Variants in POU6F2 observed in about 807,000 individuals in gnomAD.
POU6F2 encodes the protein POU class 6 homeobox 2.
In POU6F2, 31 loss-of-function variants were observed where a neutral mutation model predicts 71.3. The ratio of observed to expected loss-of-function variants is 0.43; its 90% CI spans 0.33 to 0.59. The LOEUF (loss-of-function observed/expected upper bound fraction) is 0.59, where lower values mean the gene tolerates loss of function less well. Ranked by LOEUF, POU6F2 falls within the 20% of genes least tolerant of loss-of-function variation. The probability of loss-of-function intolerance (pLI) is 0.04; values close to 1 mark genes in which losing one functional copy is unlikely to be tolerated. For synonymous variants in POU6F2, 347 were observed against 355.7 expected, an observed-to-expected ratio of 0.98 and a Z score of 0.27; for missense variants, 783 against 856.8, an observed-to-expected ratio of 0.91 and a Z score of 1.07.
chr7:39,453,194 C>T (rs895612953), intron 8 of POU6F2, among the ~76,000 whole-genome samples: 2 of 152,150 alleles, frequency 1.3e-5, no homozygotes, highest in African/African-American at 2.4e-5. Context: ...ATGCATTTTC[C>T]ATCAACTGTA....
rs137887575 is a variant in POU6F2, at chr7:39,181,725, C to T, written c.278-22510C>T. Among the ~76,000 whole-genome samples, 277 of 152,288 alleles carry T rather than the reference C, an allele frequency of 1.8e-3. 1 individual carries two copies. Among genetic ancestry groups the T allele is most frequent in the African/African-American group, 6.4e-3 (266 of 41,554 alleles). On this transcript the variant is annotated intron_variant, in intron 2 of 9. Transcript: ENST00000518318. ...ACCACCCCTCTCCAACTCAAGCCATCCCCACCTCTCTCACAGCAGATGAGC... is the reference window on the plus strand; with the variant it reads ...ACCACCCCTCTCCAACTCAAGCCATTCCCACCTCTCTCACAGCAGATGAGC...
chr7:39,041,544 A>G (rs1173935712), intron 1 of POU6F2, among the ~76,000 whole-genome samples: 1 of 151,892 alleles, frequency 6.6e-6, no homozygotes, highest in Non-Finnish European at 1.5e-5. Context: ...GTATACTTTA[A>G]TTATCTGTAA....
At chr7:39,368,483 G>A (rs747043483) in intron 5 of POU6F2, among the ~76,000 whole-genome samples, 4 of 152,348 alleles carry the variant, frequency 2.6e-5, no homozygotes, top group Non-Finnish European at 4.4e-5. Flanking sequence ...AAGTCAAGGC[G>A]AAGCAGCAAG....
intron 5 of POU6F2, among the ~76,000 whole-genome samples, chr7:39,382,385 GCA>G (rs1262362942): frequency 1.3e-5 from 2 of 152,172 alleles, no homozygotes; most frequent in Non-Finnish European, 2.9e-5. Context: ...GAGAGCACCA[GCA>G]CAGAGACTCA....
intron 4 of POU6F2, among the ~76,000 whole-genome samples, chr7:39,251,974 G>A (rs1783928414): frequency 6.6e-6 from 1 of 152,142 alleles, no homozygotes; most frequent in East Asian, 1.9e-4. Flanking sequence ...ATCTTCAGTG[G>A]TTCACATCAG....
chr7:39,340,331 G>A (rs902658298), intron 5 of POU6F2, among the ~76,000 whole-genome samples: 1 of 152,138 alleles, frequency 6.6e-6, no homozygotes, highest in Non-Finnish European at 1.5e-5. Flanking sequence ...CTTTTTGAAG[G>A]CAGCAAAGAT....
intron 4 of POU6F2, among the ~76,000 whole-genome samples, chr7:39,292,514 T>C (rs977965385): frequency 6.6e-6 from 1 of 152,188 alleles, no homozygotes; most frequent in African/African-American, 2.4e-5. Flanking sequence ...GAAAAGTAGC[T>C]CACTGGGGAG....
At chr7:39,012,418 C>A (rs1562668225) in intron 1 of POU6F2, among the ~76,000 whole-genome samples, 1 of 149,276 alleles carries the variant, frequency 6.7e-6, no homozygotes, top group African/African-American at 2.4e-5. Flanking sequence ...TCTAGTTATA[C>A]ATTCTTCTAA....
At chr7:39,458,236 A>C (rs1350170630) in intron 8 of POU6F2, among the ~76,000 whole-genome samples, 1 of 152,100 alleles carries the variant, frequency 6.6e-6, no homozygotes, top group Non-Finnish European at 1.5e-5. Flanking sequence ...CATGAGGAGG[A>C]GCTGAAGGAG....
chr7:39,347,207 A>G (rs2237411), intron 5 of POU6F2, among the ~76,000 whole-genome samples: 85,956 of 151,982 alleles, frequency 0.57, 24,521 homozygotes, highest in East Asian at 0.74. Flanking sequence ...CTTTTTTTCC[A>G]TCCTCGACTA....
intron 9 of POU6F2, among the ~76,000 whole-genome samples, chr7:39,461,991 G>A (rs1788959980): frequency 6.6e-6 from 1 of 152,168 alleles, no homozygotes; most frequent in Non-Finnish European, 1.5e-5. Flanking sequence ...GTTTCATCTT[G>A]ACAGCCTTGG....
At chr7:39,209,344 GAC>G (rs1230154891) in intron 4 of POU6F2, among the ~76,000 whole-genome samples, 1 of 152,162 alleles carries the variant, frequency 6.6e-6, no homozygotes, top group African/African-American at 2.4e-5. Context: ...GGGCACTTCT[GAC>G]ACAATTTCCC....
chr7:39,038,875 C>T (rs1790119893), intron 1 of POU6F2, among the ~76,000 whole-genome samples: 2 of 151,814 alleles, frequency 1.3e-5, no homozygotes, highest in Non-Finnish European at 2.9e-5. Context: ...CTTCTTACCC[C>T]AGTATCTCCT....
intron 1 of POU6F2, among the ~76,000 whole-genome samples, chr7:39,066,612 A>G (rs999472672): frequency 6.6e-6 from 1 of 151,562 alleles, no homozygotes; most frequent in Non-Finnish European, 1.5e-5. Context: ...TGTAGCAGGT[A>G]TGGAGGAAAT....
rs180979604 is a variant in POU6F2, at chr7:39,424,051, A to G, written c.1114-9026A>G. 3.5e-3 allele frequency among the ~76,000 whole-genome samples: 536 copies of G among 152,356 alleles called. 7 individuals carry two copies. The highest frequency in any genetic ancestry group is 0.011 in the South Asian group (52 of 4,830). ...CACAGTGCCAGCAGATTCAGTGTTCAGTGAGGACCCACTTCCTGGTCACAG... is the reference window on the plus strand; with the variant it reads ...CACAGTGCCAGCAGATTCAGTGTTCGGTGAGGACCCACTTCCTGGTCACAG... On this transcript the variant is annotated intron_variant, in intron 6 of 9. Transcript: ENST00000518318.
At chr7:39,294,196 A>G (rs1223539508) in intron 4 of POU6F2, among the ~76,000 whole-genome samples, 2 of 151,514 alleles carry the variant, frequency 1.3e-5, no homozygotes, top group African/African-American at 2.4e-5. Flanking sequence ...CATGATGGCA[A>G]CAGCTGTCTC....
intron 5 of POU6F2, among the ~76,000 whole-genome samples, chr7:39,381,380 G>A (rs1330955665): frequency 6.6e-6 from 1 of 152,146 alleles, no homozygotes; most frequent in Non-Finnish European, 1.5e-5. Context: ...TGGGACTACA[G>A]GCACGCGCCA....
At chr7:39,075,715 A>C (rs965735299) in intron 1 of POU6F2, among the ~76,000 whole-genome samples, 1 of 152,224 alleles carries the variant, frequency 6.6e-6, no homozygotes, top group Non-Finnish European at 1.5e-5. Flanking sequence ...AGCTTCCCTC[A>C]GTGACATGAA....
intron 4 of POU6F2, among the ~76,000 whole-genome samples, chr7:39,228,188 A>C (rs2128749564): frequency 6.6e-6 from 1 of 152,302 alleles, no homozygotes; most frequent in Non-Finnish European, 1.5e-5. Context: ...TTTTCAAATC[A>C]CCGGCTCAAA....
Sources: allele counts gnomAD v4.1 joint callset (sites outside exome capture counted in the v4.1 genomes callset), GRCh38; gene constraint gnomAD v4.1.1; transcripts MANE v1.5; gene names NCBI Gene and HGNC (gene_info 2026-07-23, HGNC 2026-07-21).